The following WSCD1 variants were observed in gnomAD, a reference collection of about 807,000 sequenced individuals.
WSCD1 encodes the protein sialate:O-sulfotransferase 1.
In WSCD1, 41 loss-of-function variants were observed where a neutral mutation model predicts 60.4. The ratio of observed to expected loss-of-function variants is 0.68; its 90% CI spans 0.53 to 0.88. The LOEUF is 0.88. Ranked by LOEUF, WSCD1 falls within the 40% of genes least tolerant of loss-of-function variation. The pLI is 0.00. For synonymous variants in WSCD1, 361 were observed against 332.5 expected (o/e 1.09, Z -0.93); for missense variants, 784 against 796.2 (o/e 0.98, Z 0.18).
chr17:6,078,579 T>TGCGTGTGTGTGC (rs1909019638), intron 1 of WSCD1, among the ~76,000 whole-genome samples: 1 of 151,948 alleles, frequency 6.6e-6, no homozygotes, highest in Admixed American at 6.6e-5. Context: ...TGTGTGTGTG[T>TGCGTGTGTGTGC]GCGTGTGTGT....
At chr17:6,116,400 TCACA>T (rs33955613) in intron 7 of WSCD1, among the ~76,000 whole-genome samples, 9 of 150,462 alleles carry the variant, frequency 6.0e-5, no homozygotes, top group South Asian at 2.1e-4. Flanking sequence ...GACAGAGTGA[TCACA>T]CACACACACA....
chr17:6,097,467 G>C (rs1409705121), intron 5 of WSCD1, among the ~76,000 whole-genome samples: 2 of 152,170 alleles, frequency 1.3e-5, no homozygotes, highest in Non-Finnish European at 2.9e-5. Context: ...CCCCGCAGCC[G>C]GGCAGGAGCT....
At chr17:6,112,751 G>A (rs1001072567) in intron 7 of WSCD1, among the ~76,000 whole-genome samples, 4 of 150,934 alleles carry the variant, frequency 2.7e-5, no homozygotes, top group African/African-American at 7.3e-5. Context: ...AGAGATGAAA[G>A]ATCTCTGCAA....
rs532883664 is a variant in WSCD1, at chr17:6,097,096, A to G, written c.849+1873A>G. 3.9e-5 allele frequency among the ~76,000 whole-genome samples: 6 copies of G among 152,330 alleles called. No individual in the cohort carries two copies. In the South Asian group the frequency reaches 1.2e-3, roughly 32 times the overall value. On this transcript the variant is annotated intron_variant, in intron 5 of 8. Coordinates refer to ENST00000317744, the MANE Select transcript of WSCD1 (RefSeq NM_015253.2). ...AGCTCCTGCTCCTGATGCCACACAC[A>G]GCCACACACTGGCACAGAGCGGCCG...
chr17:6,075,417 C>T lies in WSCD1; in HGVS notation c.-289+4765C>T, dbSNP rs1377192380. ...GCCTCCTCTCCTCTCCCTGCTGCCA[C>T]CCCTCAGTCTCTGGACCCCTAGCCT... On this transcript the variant is annotated intron_variant, in intron 1 of 8. Transcript: ENST00000317744. The surrounding 1 kb of genome is among the most constrained non-coding windows in gnomAD (Gnocchi z 4.1). Among the ~76,000 whole-genome samples, 1 of 152,118 alleles carries T rather than the reference C, an allele frequency of 6.6e-6. No homozygotes were observed. Among genetic ancestry groups the T allele is most frequent in the Non-Finnish European group, 1.5e-5 (1 of 68,016 alleles).
In WSCD1 at chr17:6,122,372, A is replaced by C. The variant is rs1904767576; in HGVS notation, c.*1711A>C. 1 of 152,228 alleles carries C rather than the reference A, an allele frequency of 6.6e-6. No individual in the cohort carries two copies. Among genetic ancestry groups the C allele is most frequent in the Non-Finnish European group, 1.5e-5 (1 of 68,048 alleles). The allele number at this position is 152,228 out of a possible 1,614,324, so 9.4% of individuals were successfully genotyped here. A position where few individuals can be genotyped will look rare whatever the true frequency, so the allele number is the denominator to read the frequency against. ...ATTCCCCCAAACCCACACTGATGCG[A>C]AGCTGTTCTTGACCCTCCCATAGCA... is the stretch of plus-strand genomic sequence containing the variant. On this transcript the variant is annotated 3_prime_UTR_variant, in exon 9 of 9. Transcript: ENST00000317744.
At chr17:6,097,832 G>A (rs540956803) in intron 5 of WSCD1, among the ~76,000 whole-genome samples, 1 of 152,334 alleles carries the variant, frequency 6.6e-6, no homozygotes, top group South Asian at 2.1e-4. Flanking sequence ...GGGAGGCAAG[G>A]CACCCTCGTA....
chr17:6,097,361 A>G (rs1024916402), intron 5 of WSCD1, among the ~76,000 whole-genome samples: 2 of 152,258 alleles, frequency 1.3e-5, no homozygotes, highest in Non-Finnish European at 2.9e-5. Context: ...CTCTCACTCC[A>G]TGCATTTCCT....
chr17:6,106,646 G>C (rs1209497828), intron 5 of WSCD1, among the ~76,000 whole-genome samples: 1 of 152,214 alleles, frequency 6.6e-6, no homozygotes, highest in Non-Finnish European at 1.5e-5. Flanking sequence ...CGGTGTCACC[G>C]ATGTGCTGCC....
chr17:6,096,260 G>T (rs117158586), intron 5 of WSCD1, among the ~76,000 whole-genome samples: 3,005 of 152,294 alleles, frequency 0.02, 45 homozygotes, highest in Non-Finnish European at 0.03. Context: ...TGGGGTCAGG[G>T]TTTGAACTCA....
At chr17:6,113,109 A>G (rs1239447510) in intron 7 of WSCD1, among the ~76,000 whole-genome samples, 1 of 152,184 alleles carries the variant, frequency 6.6e-6, no homozygotes, top group Non-Finnish European at 1.5e-5. Context: ...GCATAGACCA[A>G]TGGAACAAAA....
In WSCD1 at chr17:6,075,511, G is replaced by A. The variant is rs1325772517; in HGVS notation, c.-289+4859G>A. 2.0e-5 allele frequency among the ~76,000 whole-genome samples: 3 copies of A among 152,072 alleles called. No homozygotes were observed. The highest frequency in any genetic ancestry group is 4.8e-5 in the African/African-American group (2 of 41,392). ...CAGGCTGGGCAGTTGCTGCTCCCTC[G>A]GTCCCAGATGGCAACAAAGTAATAG... On this transcript the variant is annotated intron_variant, in intron 1 of 8. Coordinates refer to ENST00000317744, the MANE Select transcript of WSCD1 (RefSeq NM_015253.2). This position sits in a 1 kb window ranked among gnomAD's most constrained non-coding sequence, Gnocchi z 4.1.
In WSCD1 at chr17:6,117,982, C is replaced by T; in HGVS notation, c.1175-6C>T. The T allele has an allele frequency of 1.2e-6, 2 of 1,613,148 alleles. No homozygotes were observed. Among genetic ancestry groups the T allele is most frequent in the East Asian group, 2.2e-5 (1 of 44,868 alleles). ...TCCACAGAGACCCTCTCATTTTTCC[C>T]TGCAGGGTTCAAGGGCGAAAAGGAC... On this transcript the variant is annotated splice_region_variant and splice_polypyrimidine_tract_variant and intron_variant, in intron 7 of 8. Coordinates refer to ENST00000317744, the MANE Select transcript of WSCD1 (RefSeq NM_015253.2).
chr17:6,083,328 C>T (rs1269137088), intron 2 of WSCD1, among the ~76,000 whole-genome samples: 2 of 152,202 alleles, frequency 1.3e-5, no homozygotes, highest in African/African-American at 2.4e-5. Context: ...GATGAGCCAC[C>T]AAATGACTCT....
chr17:6,077,778 G>T (rs1908960374), intron 1 of WSCD1, among the ~76,000 whole-genome samples: 1 of 152,198 alleles, frequency 6.6e-6, no homozygotes, highest in African/African-American at 2.4e-5. Flanking sequence ...CTGCCTTTCT[G>T]CTCCATCTCA....
chr17:6,079,528 T>C (rs1396987114), intron 1 of WSCD1, among the ~76,000 whole-genome samples: 3 of 152,232 alleles, frequency 2.0e-5, no homozygotes, highest in Non-Finnish European at 4.4e-5. Flanking sequence ...TTCTCTTCTC[T>C]GGGTGCTCAG....
intron 5 of WSCD1, among the ~76,000 whole-genome samples, chr17:6,096,242 G>C (rs1910416972): frequency 6.6e-6 from 1 of 152,230 alleles, no homozygotes; most frequent in Non-Finnish European, 1.5e-5. Context: ...CACACAGCCA[G>C]TAAGTGGTGG....
At chr17:6,099,863 T>C (rs1010959105) in intron 5 of WSCD1, among the ~76,000 whole-genome samples, 5 of 152,156 alleles carry the variant, frequency 3.3e-5, no homozygotes, top group Non-Finnish European at 7.3e-5. Flanking sequence ...GGAGCTGTTT[T>C]CTTCTTCCTT....
Position 6,120,433 on chromosome 17 carries a change from G to A in WSCD1, c.1500G>A (p.Thr500=), listed in dbSNP as rs575200606. 2.2e-5 allele frequency: 35 copies of A among 1,614,084 alleles called. No homozygotes were observed. Among genetic ancestry groups the A allele is most frequent in the Admixed American group, 6.7e-5 (4 of 60,036 alleles). ...AGCTGCGGCGCAGCCTGGTGCCCAC[G>A]TTACGGGAGATGGTGGCCTTCCTCA... The part of the protein sequence containing the change: ...YEELRRSLVP[T]LREMVAFLNV... The change falls in exon 9 of 9, where the codon ACG becomes ACA. Residue 500 remains threonine (T), a synonymous_variant. Transcript: ENST00000317744.
Sources: allele counts gnomAD v4.1 joint callset (sites outside exome capture counted in the v4.1 genomes callset), GRCh38; gene constraint gnomAD v4.1.1; non-coding constraint Gnocchi (gnomAD v3.1); transcripts MANE v1.5; gene names NCBI Gene and HGNC (gene_info 2026-07-23, HGNC 2026-07-21).